The following KCND2 variants were observed in gnomAD, a reference collection of about 807,000 sequenced individuals.
The protein encoded by KCND2 is A-type voltage-gated potassium channel KCND2.
KCND2 carries 16 observed loss-of-function variants against 54.4 expected under a neutral mutation model. The ratio of observed to expected loss-of-function variants is 0.29; its 90% CI spans 0.20 to 0.45. KCND2 has a LOEUF of 0.45. Among genes scored for constraint, KCND2 ranks in the 20% least tolerant of loss-of-function variants. The pLI, the probability that KCND2 is intolerant of heterozygous loss-of-function variation, is 1.00. For synonymous variants in KCND2, 317 were observed against 310.7 expected (o/e 1.02, Z -0.21); for missense variants, 486 against 824.2 (o/e 0.59, Z 5.02).
intron 1 of KCND2, among the ~76,000 whole-genome samples, chr7:120,546,385 T>C (rs1792042550): frequency 6.6e-6 from 1 of 151,976 alleles, no homozygotes; most frequent in African/African-American, 2.4e-5. Context: ...AATAATTTTA[T>C]ATTCAGTTTT....
intron 1 of KCND2, among the ~76,000 whole-genome samples, chr7:120,286,087 A>C (rs1009906885): frequency 6.6e-6 from 1 of 151,958 alleles, no homozygotes; most frequent in Non-Finnish European, 1.5e-5. Flanking sequence ...TCTGAAATAC[A>C]CTATATTAAG....
At chr7:120,559,530 T>C (rs753250034) in intron 1 of KCND2, among the ~76,000 whole-genome samples, 11 of 152,156 alleles carry the variant, frequency 7.2e-5, no homozygotes, top group Non-Finnish European at 1.0e-4. Flanking sequence ...AGGATAGGAT[T>C]TATGCTAGAG....
intron 1 of KCND2, among the ~76,000 whole-genome samples, chr7:120,718,375 G>A (rs1174490576): frequency 1.3e-5 from 2 of 152,024 alleles, no homozygotes; most frequent in Non-Finnish European, 2.9e-5. Flanking sequence ...CTTTTCTACT[G>A]CTTACAGGCT....
intron 1 of KCND2, among the ~76,000 whole-genome samples, chr7:120,585,095 G>GGTGT (rs1792575949): frequency 6.6e-6 from 1 of 152,026 alleles, no homozygotes; most frequent in African/African-American, 2.4e-5. Context: ...CACACACTTA[G>GGTGT]GTGTGCCTCT....
At chr7:120,621,727 G>A (rs555852363) in intron 1 of KCND2, among the ~76,000 whole-genome samples, 13 of 152,238 alleles carry the variant, frequency 8.5e-5, no homozygotes, top group Middle Eastern at 6.8e-3. Context: ...GTTGGTAATA[G>A]AAAAACACAT....
intron 1 of KCND2, among the ~76,000 whole-genome samples, chr7:120,449,979 T>A (rs895370927): frequency 6.6e-6 from 1 of 152,252 alleles, no homozygotes; most frequent in Non-Finnish European, 1.5e-5. Flanking sequence ...TGGTGTCTTC[T>A]GAAGATTCTA....
chr7:120,304,645 ACTCT>A (rs961252696), intron 1 of KCND2, among the ~76,000 whole-genome samples: 12 of 151,428 alleles, frequency 7.9e-5, no homozygotes, highest in African/African-American at 2.4e-4. Flanking sequence ...CAAATTAGCA[ACTCT>A]CTCTCTTTCT....
intron 1 of KCND2, among the ~76,000 whole-genome samples, chr7:120,339,816 C>T (rs962149257): frequency 6.6e-6 from 1 of 152,130 alleles, no homozygotes; most frequent in East Asian, 1.9e-4. Flanking sequence ...TCAAAATTGG[C>T]CTCAGTGAGA....
chr7:120,711,713 A>T (rs1160557589), intron 1 of KCND2, among the ~76,000 whole-genome samples: 1 of 152,172 alleles, frequency 6.6e-6, no homozygotes, highest in South Asian at 2.1e-4. Context: ...GTTCAGGTTT[A>T]GTTGATAAAA....
chr7:120,360,541 G>A (rs1262304169), intron 1 of KCND2, among the ~76,000 whole-genome samples: 1 of 152,016 alleles, frequency 6.6e-6, no homozygotes, highest in Non-Finnish European at 1.5e-5. Context: ...AAAAGATTAA[G>A]CCTTTGTGCC....
intron 1 of KCND2, among the ~76,000 whole-genome samples, chr7:120,326,063 T>G (rs1799969513): frequency 6.6e-6 from 1 of 152,106 alleles, no homozygotes; most frequent in Non-Finnish European, 1.5e-5. Context: ...GAAAGTATTT[T>G]GGGGATCATT....
At chr7:120,484,701 G>GCACACACACA (rs3067134) in intron 1 of KCND2, among the ~76,000 whole-genome samples, 3,318 of 137,588 alleles carry the variant, frequency 0.024, 57 homozygotes, top group Non-Finnish European at 0.041. Flanking sequence ...TATATTACAC[G>GCACACACACA]CACACACACA....
chr7:120,642,586 A>G (rs1273980672), intron 1 of KCND2, among the ~76,000 whole-genome samples: 2 of 150,238 alleles, frequency 1.3e-5, no homozygotes, highest in Admixed American at 6.6e-5. Context: ...AAATATATAT[A>G]TATATGTAGA....
intron 1 of KCND2, among the ~76,000 whole-genome samples, chr7:120,662,952 A>G (rs868336124): frequency 5.3e-5 from 8 of 152,160 alleles, no homozygotes; most frequent in Admixed American, 1.3e-4. Flanking sequence ...CCTTGTATAT[A>G]AGAGTCCTAA....
intron 1 of KCND2, among the ~76,000 whole-genome samples, chr7:120,673,847 T>C (rs993817209): frequency 1.3e-5 from 2 of 151,972 alleles, no homozygotes; most frequent in Non-Finnish European, 2.9e-5. Flanking sequence ...TTTTTGAAGG[T>C]TGAATAATCT....
Position 120,574,104 on chromosome 7 carries a change from C to T in KCND2, c.1116-158799C>T, listed in dbSNP as rs142877094. On this transcript the variant is annotated intron_variant, in intron 1 of 5. Coordinates refer to ENST00000331113, the MANE Select transcript of KCND2 (RefSeq NM_012281.3). ...ACTAATTTGAATGAATCCTAGAAAACGTTAAGGTTTAAGATCCTTGACTTT... is the reference window on the plus strand; with the variant it reads ...ACTAATTTGAATGAATCCTAGAAAATGTTAAGGTTTAAGATCCTTGACTTT... Among the ~76,000 whole-genome samples, 714 of 152,186 alleles carry T rather than the reference C, an allele frequency of 4.7e-3. 7 individuals are homozygous for T. The highest frequency in any genetic ancestry group is 0.016 in the African/African-American group (652 of 41,530).
At chr7:120,300,938 G>T (rs568859512) in intron 1 of KCND2, among the ~76,000 whole-genome samples, 1 of 152,180 alleles carries the variant, frequency 6.6e-6, no homozygotes, top group South Asian at 2.1e-4. Flanking sequence ...CAATACAGTT[G>T]TAAAGTATGA....
In KCND2 at chr7:120,275,568, C is replaced by T; in HGVS notation, c.936C>T (p.Ile312=). 6.2e-7 allele frequency: 1 copy of T among 1,613,754 alleles called. No individual in the cohort carries two copies. The highest frequency in any genetic ancestry group is 8.5e-7 in the Non-Finnish European group (1 of 1,179,982). The change falls in exon 1 of 6, where the codon ATC becomes ATT. Residue 312 remains isoleucine (I), a synonymous_variant. Transcript: ENST00000331113. ...CCCGCCACTCTCAAGGCCTGCGCAT[C>T]CTGGGGTACACACTGAAGAGTTGTG... ...KFSRHSQGLR[I]LGYTLKSCAS...
intron 1 of KCND2, among the ~76,000 whole-genome samples, chr7:120,709,668 T>C (rs1429592361): frequency 2.0e-5 from 3 of 152,180 alleles, no homozygotes; most frequent in African/African-American, 7.2e-5. Context: ...TTCATGTTTC[T>C]TTGAATGCCA....
Sources: allele counts gnomAD v4.1 joint callset (sites outside exome capture counted in the v4.1 genomes callset), GRCh38; gene constraint gnomAD v4.1.1; transcripts MANE v1.5; gene names NCBI Gene and HGNC (gene_info 2026-07-23, HGNC 2026-07-21).